Variants in DRP2 observed in about 807,000 individuals in gnomAD.
The protein encoded by DRP2 is dystrophin-related protein 2.
Under a neutral mutation model 78.2 loss-of-function variants are expected in DRP2, and 29 were observed. The observed-to-expected ratio is 0.37, with a 90% confidence interval of 0.28 to 0.51. The LOEUF is 0.51. Among genes scored for constraint, DRP2 ranks in the 20% least tolerant of loss-of-function variants. DRP2 has a pLI of 0.94. For synonymous variants in DRP2, 290 were observed against 281.9 expected, an observed-to-expected ratio of 1.03 and a Z score of -0.29; for missense variants, 686 against 770.6, an observed-to-expected ratio of 0.89 and a Z score of 1.30.
rs1340483562 is a variant in DRP2 at position 101,239,049 on chromosome X, C to T, written c.507C>T (p.Phe169=). 1 of 1,211,380 alleles carries T rather than the reference C, an allele frequency of 8.3e-7. No homozygotes were observed. The highest frequency in any genetic ancestry group is 1.1e-6 in the Non-Finnish European group (1 of 895,328). The change falls in exon 6 of 24, where the codon TTC becomes TTT. Residue 169 remains phenylalanine (F), a synonymous_variant. Transcript: ENST00000395209. Reference sequence around the variant, plus strand: ...CTGTGCTGGAGTCAGCTCAGGCCTTCCTGTCCCAGCACCCATTTGAGGAGT... The same window carrying T: ...CTGTGCTGGAGTCAGCTCAGGCCTTTCTGTCCCAGCACCCATTTGAGGAGT... ...IYSVLESAQA[F]LSQHPFEELE... is the part of the protein sequence containing the mutation.
At chrX:101,248,667 G>A (rs1299215484) in intron 14 of DRP2, 68 bp downstream of exon 14, 1 of 985,931 alleles carries the variant, frequency 1.0e-6, no homozygotes, top group East Asian at 3.1e-5. Flanking sequence ...AGGAGGAAGG[G>A]TGTAAGATAA....
chrX:101,239,008 G>T lies in DRP2; in HGVS notation c.466G>T (p.Gly156Cys), dbSNP rs142882172. 6 of 1,208,670 alleles carry T rather than the reference G, an allele frequency of 5.0e-6. No individual in the cohort carries two copies. The highest frequency in any genetic ancestry group is 6.7e-6 in the Non-Finnish European group (6 of 894,733). ...CTTTATGGAAGAAGTCAAGTCTCGG[G>T]GCCCCTACATCTATTCTGTGCTGGA... is the stretch of plus-strand genomic sequence containing the variant. ...AAFMEEVKSR[G>C]PYIYSVLESA... Residue 156 changes from glycine (G) to cysteine (C), a missense_variant, in exon 6 of 24, where the codon GGC (glycine) becomes TGC (cysteine). Gly to Cys is a radical substitution (Grantham distance 159). Around this residue, in one of 2 missense-constraint regions of DRP2, gnomAD observed 263 missense variants for 239.1 expected, o/e 1.10. Coordinates refer to ENST00000395209, the MANE Select transcript of DRP2 (RefSeq NM_001939.3).
intron 1 of DRP2, among the ~76,000 whole-genome samples, chrX:101,221,356 G>A (rs763062862): frequency 7.1e-5 from 8 of 112,576 alleles, no homozygotes; most frequent in Non-Finnish European, 1.5e-4. Flanking sequence ...CAAGCCTCAG[G>A]TGATTTTCCT....
rs1923515686 is a variant in DRP2, at chrX:101,260,546, C to A, written c.2799C>A (p.Ile933=). The A allele has an allele frequency of 8.3e-7, 1 of 1,211,169 alleles. No homozygotes were observed. The highest frequency in any genetic ancestry group is 1.7e-5 in the African/African-American group (1 of 57,692). The change falls in exon 24 of 24, where the codon ATC becomes ATA. Residue 933 remains isoleucine, a synonymous_variant. Transcript: ENST00000395209. ...ATGTCAGCCTGTGCTTGGAGGACAT[C>A]ATGGAGAAACTCCGTCATGCCTTCC... The part of the protein sequence containing the change: ...SQDVSLCLED[I]MEKLRHAFPS...
At chrX:101,243,034 G>A in intron 9 of DRP2, 52 bp downstream of exon 9, 1 of 1,124,550 alleles carries the variant, frequency 8.9e-7, no homozygotes, top group Non-Finnish European at 1.2e-6. Flanking sequence ...CATCTTCCTG[G>A]AGAGTCTATT....
At position 101,237,743 on chromosome X, in the gene DRP2, G is replaced by C; in HGVS notation, c.406G>C (p.Ala136Pro). Residue 136 changes from alanine (A) to proline (P), a missense_variant, in exon 5 of 24, where the codon GCC (alanine) becomes CCC (proline). Ala to Pro is a conservative substitution (Grantham distance 27, BLOSUM62 -1). Transcript: ENST00000395209. ...SAQLPLQGDV[A>P]LVQQEKETHA... ...TCAGCTGCCCCTACAGGGGGATGTG[G>C]CCCTGGTGCAACAGGAGAAGGAGAC... 1 of 1,161,759 alleles carries C rather than the reference G, an allele frequency of 8.6e-7. No homozygotes were observed. Among genetic ancestry groups the C allele is most frequent in the Middle Eastern group, 2.4e-4 (1 of 4,090 alleles).
chrX:101,249,380 A>G (rs1477168932), intron 14 of DRP2, among the ~76,000 whole-genome samples: 3 of 112,348 alleles, frequency 2.7e-5, no homozygotes, highest in Non-Finnish European at 5.6e-5. Flanking sequence ...GTTTCCAAAC[A>G]TGTTCGTGGC....
intron 14 of DRP2, among the ~76,000 whole-genome samples, chrX:101,250,134 A>G (rs1176614339): frequency 9.3e-6 from 1 of 107,598 alleles, no homozygotes; most frequent in Non-Finnish European, 1.9e-5. Flanking sequence ...AGTGCACTCG[A>G]CCTCTCTCTC....
At chrX:101,242,767 T>C in intron 8 of DRP2, 137 bp from the exon 9 acceptor site, 1 of 618,977 alleles carries the variant, frequency 1.6e-6, no homozygotes, top group Non-Finnish European at 2.6e-6. Context: ...GGCTAGGAGT[T>C]GGGTGACGGT....
rs41304462 is a variant in DRP2, at chrX:101,252,686, G to T, written c.1947G>T (p.Leu649=). ...LTGRASKGNK[L]HYPIMEYYTP... is the part of the protein sequence containing the mutation. ...GCAGGGCCAGCAAAGGCAATAAGCTGCACTACCCCATCATGGAGTATTACA... is the reference window on the plus strand; with the variant it reads ...GCAGGGCCAGCAAAGGCAATAAGCTTCACTACCCCATCATGGAGTATTACA... The change falls in exon 17 of 24, where the codon CTG becomes CTT. Residue 649 remains leucine (L), a synonymous_variant. Transcript: ENST00000395209. 0.011 allele frequency: 13,056 copies of T among 1,210,200 alleles called. 62 individuals are homozygous for T. The highest frequency in any genetic ancestry group is 0.058 in the Middle Eastern group (251 of 4,335).
At chrX:101,228,809 C>T (rs376128938) in intron 2 of DRP2, among the ~76,000 whole-genome samples, 4 of 110,926 alleles carry the variant, frequency 3.6e-5, no homozygotes, top group African/African-American at 1.3e-4. Context: ...CCTGGGGGTA[C>T]TGAGGCAGGA....
At chrX:101,249,761 G>A (rs755868471) in intron 14 of DRP2, among the ~76,000 whole-genome samples, 1 of 111,820 alleles carries the variant, frequency 8.9e-6, no homozygotes, top group East Asian at 2.8e-4. Flanking sequence ...ATAACCTCTG[G>A]AGGAGGTTTG....
At chrX:101,221,575 C>A (rs895594364) in intron 1 of DRP2, among the ~76,000 whole-genome samples, 29 of 112,682 alleles carry the variant, frequency 2.6e-4, no homozygotes, top group African/African-American at 7.7e-4. Context: ...GAAAGAACTC[C>A]TCTTCCTGTG....
At chrX:101,237,950 C>T (rs1922572266) in intron 5 of DRP2, among the ~76,000 whole-genome samples, 175 bp downstream of exon 5, 1 of 111,948 alleles carries the variant, frequency 8.9e-6, no homozygotes, top group Non-Finnish European at 1.9e-5. Flanking sequence ...TATTTTCTTT[C>T]TACCCCTCCC....
intron 23 of DRP2, 130 bp from the exon 24 acceptor site, chrX:101,260,367 T>C: frequency 2.1e-6 from 2 of 963,617 alleles, no homozygotes; most frequent in Non-Finnish European, 2.9e-6. Context: ...ACCTATGTAT[T>C]AGGCATTGTG....
intron 3 of DRP2, 54 bp downstream of exon 3, chrX:101,231,818 G>T (rs1007800199): frequency 5.2e-5 from 55 of 1,057,029 alleles, no homozygotes; most frequent in Non-Finnish European, 6.9e-5. Flanking sequence ...CACAGGATCT[G>T]TGTGTCCTTG....
Position 101,258,643 on chromosome X carries a change from C to G in DRP2, c.2628+97C>G, listed in dbSNP as rs752729051. ...GTGGCAAAGAAGACACAAGAGAGAGCTCCTTGGCAGTGGCTGTCAGGTAAC... is the reference window on the plus strand; with the variant it reads ...GTGGCAAAGAAGACACAAGAGAGAGGTCCTTGGCAGTGGCTGTCAGGTAAC... On this transcript the variant is annotated intron_variant, in intron 22 of 23. Transcript: ENST00000395209. 2,727 of 798,589 alleles carry G rather than the reference C, an allele frequency of 3.4e-3. 10 individuals are homozygous for G. Among genetic ancestry groups the G allele is most frequent in the Middle Eastern group, 0.012 (31 of 2,549 alleles). The allele number at this position is 798,589 out of a possible 1,213,427, so 65.8% of individuals were successfully genotyped here.
intron 1 of DRP2, among the ~76,000 whole-genome samples, chrX:101,221,967 C>G (rs1011792073): frequency 1.8e-5 from 2 of 112,097 alleles, no homozygotes; most frequent in African/African-American, 3.2e-5. Context: ...TGAGATAAAT[C>G]CTTCTAGGAT....
In DRP2 at chrX:101,224,180, GGGTTTTTTTT is replaced by G. The variant is rs1415507628; in HGVS notation, c.-166-422_-166-413del. Among the ~76,000 whole-genome samples the G allele has an allele frequency of 2.0e-3, 85 of 42,759 alleles. 4 individuals are homozygous for G. Among genetic ancestry groups the G allele is most frequent in the African/African-American group, 0.013 (81 of 6,265 alleles). 37.1% of individuals were successfully genotyped at this position (42,759 alleles called of 115,157 possible). On this transcript the variant is annotated intron_variant, in intron 1 of 23. Coordinates refer to ENST00000395209, the MANE Select transcript of DRP2 (RefSeq NM_001939.3). ...CTCCCAAGAATAATAAATGTTTGCTGGGTTTTTTTTGTTTTTTTTTTTTTTTTTTTTTTTT... is the reference window on the plus strand; with the variant it reads ...CTCCCAAGAATAATAAATGTTTGCTGGTTTTTTTTTTTTTTTTTTTTTTTT...
Sources: gnomAD v4.1 joint callset for allele counts (sites outside exome capture counted in the v4.1 genomes callset) on GRCh38, gnomAD v4.1.1 for gene constraint, gnomAD v4.1.1 regional missense constraint, MANE v1.5 for transcripts, NCBI Gene and HGNC (gene_info 2026-07-23, HGNC 2026-07-21) for gene names.